The following RGL1 variants were observed in gnomAD, a reference collection of about 807,000 sequenced individuals.
The protein encoded by RGL1 is ral guanine nucleotide dissociation stimulator-like 1.
A neutral mutation model predicts 95.2 loss-of-function variants in RGL1; 24 were observed. The observed-to-expected ratio is 0.25, with a 90% CI of 0.18 to 0.35. The LOEUF (loss-of-function observed/expected upper bound fraction) is 0.35, where lower values mean the gene tolerates loss of function less well. RGL1 is among the 10% of genes least tolerant of loss of function. The probability of loss-of-function intolerance (pLI) is 1.00; values close to 1 mark genes in which losing one functional copy is unlikely to be tolerated. For missense variants in RGL1, 715 were observed against 936.3 expected, an observed-to-expected ratio of 0.76 and a Z score of 3.08; for synonymous variants, 329 against 344.9, an observed-to-expected ratio of 0.95 and a Z score of 0.51.
chr1:183,747,317 G>A lies in RGL1; in HGVS notation c.132+5028G>A, dbSNP rs144568148. ...TTTCTCCACATCCTCTCCAGAATCT[G>A]TTGTTTCCTGACTTTTTATTGATGG... On this transcript the variant is annotated intron_variant, in intron 2 of 18. Transcript: ENST00000304685. Among the ~76,000 whole-genome samples the A allele has an allele frequency of 6.9e-3, 1,048 of 152,290 alleles. 9 individuals are homozygous for A. Among genetic ancestry groups the A allele is most frequent in the Non-Finnish European group, 8.9e-3 (608 of 68,026 alleles).
chr1:183,704,173 C>T (rs181395928), intron 1 of RGL1, among the ~76,000 whole-genome samples: 3 of 152,076 alleles, frequency 2.0e-5, no homozygotes, highest in Non-Finnish European at 4.4e-5. Flanking sequence ...GCTATAGGAT[C>T]GTATGGAGTT....
intron 2 of RGL1, among the ~76,000 whole-genome samples, chr1:183,773,066 A>G (rs887473040): frequency 2.0e-5 from 3 of 147,232 alleles, no homozygotes; most frequent in African/African-American, 7.5e-5. Flanking sequence ...TCTGATATCT[A>G]TAATCCCAAT....
At chr1:183,658,205 C>T (rs557662338) in intron 1 of RGL1, among the ~76,000 whole-genome samples, 6 of 152,260 alleles carry the variant, frequency 3.9e-5, no homozygotes, top group African/African-American at 1.2e-4. Flanking sequence ...AGACAGTGGG[C>T]GCAGGACAGT....
chr1:183,884,631 CA>C (rs1667010137), intron 6 of RGL1, 91 bp from the exon 7 acceptor site: 1 of 1,096,358 alleles, frequency 9.1e-7, no homozygotes, highest in Non-Finnish European at 1.3e-6. Context: ...TGGCCATTCA[CA>C]AAAATACCAA....
intron 1 of RGL1, among the ~76,000 whole-genome samples, chr1:183,716,385 GTACTGATCAAGT>G (rs1179828134): frequency 6.6e-6 from 1 of 152,196 alleles, no homozygotes; most frequent in Non-Finnish European, 1.5e-5. Flanking sequence ...TTGTTACAAA[GTACTGATCAAGT>G]TACCAGGTCA....
Position 183,928,297 on chromosome 1 carries a change from AT to A in RGL1, c.*2006del, listed in dbSNP as rs1401669112. ...CTAGATTTATATACTGCAATGTAAA[AT>A]ATATATATATTTACCTTTTTTAAAG... On this transcript the variant is annotated 3_prime_UTR_variant, in exon 18 of 18. Transcript: ENST00000360851. 1 of 152,292 alleles carries A rather than the reference AT, an allele frequency of 6.6e-6. No homozygotes were observed. The highest frequency in any genetic ancestry group is 1.9e-4 in the East Asian group (1 of 5,168). The allele number at this position is 152,292 out of a possible 1,614,324, so 9.4% of individuals were successfully genotyped here. A position where few individuals can be genotyped will look rare whatever the true frequency, so the allele number is the denominator to read the frequency against.
At chr1:183,682,885 G>C (rs1174681921) in intron 1 of RGL1, among the ~76,000 whole-genome samples, 1 of 152,130 alleles carries the variant, frequency 6.6e-6, no homozygotes, top group Admixed American at 6.5e-5. Context: ...AGGATAGTTA[G>C]CTCTTCTTGT....
At chr1:183,758,284 C>T (rs1658466249) in intron 2 of RGL1, among the ~76,000 whole-genome samples, 1 of 151,678 alleles carries the variant, frequency 6.6e-6, no homozygotes, top group East Asian at 1.9e-4. Flanking sequence ...GCAAGCTCTG[C>T]CTCCTGGGTT....
intron 2 of RGL1, among the ~76,000 whole-genome samples, chr1:183,825,482 G>A (rs753197717): frequency 1.9e-4 from 29 of 152,124 alleles, no homozygotes; most frequent in African/African-American, 6.5e-4. Flanking sequence ...GGAGGCCAAA[G>A]TTTTAAATAC....
chr1:183,896,966 T>A (rs1274846714), intron 9 of RGL1, among the ~76,000 whole-genome samples: 1 of 152,194 alleles, frequency 6.6e-6, no homozygotes, highest in Admixed American at 6.5e-5. Context: ...AGTACAATAT[T>A]GGACTTCCTC....
intron 16 of RGL1, among the ~76,000 whole-genome samples, chr1:183,916,996 T>C (rs1001562360): frequency 6.6e-6 from 1 of 152,248 alleles, no homozygotes; most frequent in Non-Finnish European, 1.5e-5. Context: ...TATTAGCCAT[T>C]TGAAAATTCT....
chr1:183,878,243 C>CTGGA (rs1666633925), intron 4 of RGL1, among the ~76,000 whole-genome samples: 1 of 151,964 alleles, frequency 6.6e-6, no homozygotes, highest in African/African-American at 2.4e-5. Context: ...GTTACCCAGG[C>CTGGA]TGGAGTGCAG....
intron 1 of RGL1, among the ~76,000 whole-genome samples, chr1:183,725,285 A>G (rs1171631572): frequency 6.6e-6 from 1 of 152,158 alleles, no homozygotes; most frequent in Non-Finnish European, 1.5e-5. Context: ...TCACACTGCT[A>G]TAAAGAACTG....
At chr1:183,834,691 A>T (rs934840834) in intron 2 of RGL1, among the ~76,000 whole-genome samples, 6 of 151,444 alleles carry the variant, frequency 4.0e-5, no homozygotes, top group African/African-American at 1.2e-4. Context: ...TTTATTTTGT[A>T]TTTTTTTTAT....
intron 12 of RGL1, 65 bp downstream of exon 12, chr1:183,902,665 T>C: frequency 6.6e-7 from 1 of 1,513,834 alleles, no homozygotes; most frequent in African/African-American, 1.4e-5. Context: ...AAATGGGGAC[T>C]TAAGTTTTTT....
intron 1 of RGL1, among the ~76,000 whole-genome samples, chr1:183,652,378 G>A (rs1473731258): frequency 1.3e-5 from 2 of 152,144 alleles, no homozygotes; most frequent in African/African-American, 4.8e-5. Flanking sequence ...TCTCATTCTT[G>A]CTGACAACTT....
At chr1:183,812,295 G>T (rs1275631272) in intron 2 of RGL1, among the ~76,000 whole-genome samples, 1 of 152,184 alleles carries the variant, frequency 6.6e-6, no homozygotes, top group Non-Finnish European at 1.5e-5. Context: ...TCTGTGTCTG[G>T]GTTGCCAATG....
upstream of RGL1, among the ~76,000 whole-genome samples, chr1:183,804,967 A>G (rs1661185639): frequency 6.6e-6 from 1 of 152,236 alleles, no homozygotes; most frequent in Admixed American, 6.5e-5. Context: ...AATCACCTTC[A>G]GAACTGGAGA....
intron 2 of RGL1, among the ~76,000 whole-genome samples, chr1:183,761,563 T>G (rs912502532): frequency 1.3e-5 from 2 of 152,236 alleles, no homozygotes; most frequent in African/African-American, 4.8e-5. Context: ...ACAGCCAGAA[T>G]AGATGTAGCA....
Sources: allele counts gnomAD v4.1 joint callset (sites outside exome capture counted in the v4.1 genomes callset), GRCh38; gene constraint gnomAD v4.1.1; transcripts MANE v1.5; gene names NCBI Gene and HGNC (gene_info 2026-07-23, HGNC 2026-07-21).